The following FAM3C variants were observed in gnomAD, a reference collection of about 807,000 sequenced individuals.
The protein encoded by FAM3C is protein FAM3C.
In FAM3C, 15 loss-of-function variants were observed where a neutral mutation model predicts 32.5. The observed-to-expected ratio is 0.46, with a 90% CI of 0.31 to 0.71. The LOEUF (loss-of-function observed/expected upper bound fraction) is 0.71, where lower values mean the gene tolerates loss of function less well. FAM3C is among the 30% of genes least tolerant of loss of function. The probability of loss-of-function intolerance (pLI) is 0.05; values close to 1 mark genes in which losing one functional copy is unlikely to be tolerated. For synonymous variants in FAM3C, 75 were observed against 86.1 expected (o/e 0.87, Z 0.72); for missense variants, 175 against 274.4 (o/e 0.64, Z 2.56).
At chr7:121,395,935 C>A (rs1319130582) in intron 1 of FAM3C, among the ~76,000 whole-genome samples, 3 of 151,486 alleles carry the variant, frequency 2.0e-5, no homozygotes, top group African/African-American at 4.8e-5. Context: ...CACGCCGGGG[C>A]GGCGGCCGGG....
In FAM3C at chr7:121,378,269, G is replaced by GA. The variant is rs900925837; in HGVS notation, c.118+640dup. ...ATGGCAACATTAAATGAGTGGGTTA[G>GA]AAAAAAAAAATGCCACAGAGGGAAA... On this transcript the variant is annotated intron_variant, in intron 3 of 9. Transcript: ENST00000359943. Among the ~76,000 whole-genome samples the GA allele has an allele frequency of 2.1e-3, 314 of 147,060 alleles. 1 individual carries two copies. The highest frequency in any genetic ancestry group is 6.9e-3 in the African/African-American group (278 of 40,262).
At chr7:121,378,865 C>T in intron 3 of FAM3C, 45 bp downstream of exon 3, 2 of 1,027,046 alleles carry the variant, frequency 1.9e-6, no homozygotes, top group East Asian at 5.0e-5. Context: ...AAACTTTAGG[C>T]CACATCAAAA....
chr7:121,360,300 C>A (rs1212043904), intron 7 of FAM3C, among the ~76,000 whole-genome samples, 173 bp from the exon 8 acceptor site: 2 of 152,130 alleles, frequency 1.3e-5, no homozygotes, highest in Non-Finnish European at 2.9e-5. Flanking sequence ...TTAAATTTGT[C>A]CCTTAACATA....
rs904164804 is a variant in FAM3C at position 121,374,585 on chromosome 7, T to C, written c.119-2446A>G. Among the ~76,000 whole-genome samples the C allele has an allele frequency of 2.2e-4, 33 of 152,206 alleles. 2 individuals carry two copies. Among genetic ancestry groups the C allele is most frequent in the Non-Finnish European group, 5.9e-5 (4 of 68,032 alleles). On this transcript the variant is annotated intron_variant, in intron 3 of 9. Transcript: ENST00000359943. ...TGTTAACCTTTCATATACTAAGATG[T>C]TAAACAAATGACGAAGATAACCATA...
chr7:121,364,378 G>A, intron 5 of FAM3C, 190 bp from the exon 6 acceptor site: 1 of 479,362 alleles, frequency 2.1e-6, no homozygotes, highest in East Asian at 3.4e-5. Flanking sequence ...TTAAAGCAAT[G>A]TCCTTAAATA....
chr7:121,353,002 T>A (rs753855464), intron 8 of FAM3C, among the ~76,000 whole-genome samples: 4 of 152,220 alleles, frequency 2.6e-5, no homozygotes, highest in Non-Finnish European at 4.4e-5. Flanking sequence ...GTCAGCTAAA[T>A]GGACTGCCTC....
intron 8 of FAM3C, among the ~76,000 whole-genome samples, chr7:121,352,008 T>C (rs1273765695): frequency 6.6e-6 from 1 of 152,058 alleles, no homozygotes; most frequent in Non-Finnish European, 1.5e-5. Context: ...ATGGTAGCTA[T>C]AGAGCTTAAA....
At chr7:121,368,611 C>T (rs1794071679) in intron 5 of FAM3C, among the ~76,000 whole-genome samples, 4 of 152,122 alleles carry the variant, frequency 2.6e-5, no homozygotes, top group South Asian at 2.1e-4. Flanking sequence ...AATAAAATCA[C>T]GACATGCCAG....
At chr7:121,353,945 G>A (rs1233771826) in intron 8 of FAM3C, among the ~76,000 whole-genome samples, 3 of 152,306 alleles carry the variant, frequency 2.0e-5, no homozygotes, top group East Asian at 3.9e-4. Context: ...TTTGGGGGAC[G>A]TCTAACACAT....
At chr7:121,366,456 TTATATGAAC>T (rs1794025866) in intron 5 of FAM3C, among the ~76,000 whole-genome samples, 1 of 152,114 alleles carries the variant, frequency 6.6e-6, no homozygotes, top group Admixed American at 6.5e-5. Flanking sequence ...TATATACCAC[TTATATGAAC>T]TGTCCAAAAT....
At chr7:121,375,115 T>C (rs146510154) in intron 3 of FAM3C, among the ~76,000 whole-genome samples, 2 of 152,274 alleles carry the variant, frequency 1.3e-5, no homozygotes. Context: ...AAAAAAATTA[T>C]ATAATGCAAG....
chr7:121,366,107 A>G (rs1382603836), intron 5 of FAM3C, among the ~76,000 whole-genome samples: 3 of 152,188 alleles, frequency 2.0e-5, no homozygotes, highest in Non-Finnish European at 2.9e-5. Flanking sequence ...GGAAATGCAA[A>G]CAGATGCAGC....
At chr7:121,387,804 TAA>T (rs1010059988) in intron 1 of FAM3C, among the ~76,000 whole-genome samples, 1 of 152,054 alleles carries the variant, frequency 6.6e-6, no homozygotes, top group African/African-American at 2.4e-5. Flanking sequence ...ATGATAGGTT[TAA>T]AAAAAGAGTG....
intron 8 of FAM3C, among the ~76,000 whole-genome samples, chr7:121,359,139 T>TAA (rs1401970618): frequency 1.3e-5 from 2 of 152,012 alleles, no homozygotes; most frequent in African/African-American, 4.8e-5. Flanking sequence ...AAAAAATTTT[T>TAA]AAAATCCATT....
At chr7:121,352,453 G>A (rs1793724776) in intron 8 of FAM3C, among the ~76,000 whole-genome samples, 1 of 152,192 alleles carries the variant, frequency 6.6e-6, no homozygotes, top group Non-Finnish European at 1.5e-5. Flanking sequence ...CCACCTGGAG[G>A]AAGTTCACTA....
chr7:121,387,516 C>A (rs550044119), intron 1 of FAM3C, among the ~76,000 whole-genome samples: 7 of 152,164 alleles, frequency 4.6e-5, no homozygotes, highest in African/African-American at 1.7e-4. Flanking sequence ...CTGCTCTCCA[C>A]AGAAAGAAGC....
intron 3 of FAM3C, among the ~76,000 whole-genome samples, chr7:121,378,269 G>T (rs901570573): frequency 6.8e-6 from 1 of 146,994 alleles, no homozygotes; most frequent in South Asian, 2.1e-4. Flanking sequence ...GAGTGGGTTA[G>T]AAAAAAAAAA....
At chr7:121,381,656 C>CCACACACACACACACACA (rs67277678) in intron 2 of FAM3C, among the ~76,000 whole-genome samples, 3 of 142,240 alleles carry the variant, frequency 2.1e-5, no homozygotes, top group African/African-American at 5.1e-5. Flanking sequence ...CAAAGAACAT[C>CCACACACACACACACACA]CACACACACA....
chr7:121,362,843 G>T, intron 7 of FAM3C, 54 bp downstream of exon 7: 2 of 902,838 alleles, frequency 2.2e-6, no homozygotes, highest in Non-Finnish European at 3.7e-6. Context: ...ACATTGTATT[G>T]AGGTGATTAA....
Sources: gnomAD v4.1 joint callset for allele counts (sites outside exome capture counted in the v4.1 genomes callset) on GRCh38, gnomAD v4.1.1 for gene constraint, MANE v1.5 for transcripts, NCBI Gene and HGNC (gene_info 2026-07-23, HGNC 2026-07-21) for gene names.